The following NALCN variants were observed in gnomAD, a reference collection of about 807,000 sequenced individuals.
NALCN encodes sodium leak channel NALCN.
NALCN carries 111 observed loss-of-function variants against 225.3 expected under a neutral mutation model. The observed-to-expected ratio is 0.49, with a 90% CI of 0.42 to 0.58. The LOEUF is 0.58. NALCN is among the 20% of genes least tolerant of loss of function. NALCN has a pLI of 0.00. For synonymous variants in NALCN, 764 were observed against 769.0 expected, an observed-to-expected ratio of 0.99 and a Z score of 0.11; for missense variants, 1,378 against 2,202.4, an observed-to-expected ratio of 0.63 and a Z score of 7.49.
intron 26 of NALCN, among the ~76,000 whole-genome samples, chr13:101,102,636 C>A (rs1260671862): frequency 1.3e-5 from 2 of 152,204 alleles, no homozygotes; most frequent in Non-Finnish European, 2.9e-5. Context: ...CCCCCTCAAT[C>A]ATCTTTGTAA....
chr13:101,167,281 A>T (rs1350281156), intron 15 of NALCN, among the ~76,000 whole-genome samples: 4 of 152,202 alleles, frequency 2.6e-5, no homozygotes. Context: ...GATTGCATTG[A>T]ATCTGTAGAT....
intron 13 of NALCN, among the ~76,000 whole-genome samples, chr13:101,225,798 C>T (rs1304348286): frequency 6.6e-6 from 1 of 152,152 alleles, no homozygotes; most frequent in African/African-American, 2.4e-5. Flanking sequence ...GGTTTAGAAA[C>T]AAAATCCTAA....
At chr13:101,222,576 T>C (rs1326819326) in intron 13 of NALCN, among the ~76,000 whole-genome samples, 1 of 152,108 alleles carries the variant, frequency 6.6e-6, no homozygotes, top group Non-Finnish European at 1.5e-5. Context: ...TATGCCATCA[T>C]TGAGGGATAG....
At chr13:101,064,580 A>ACACACACG (rs1218569311) in intron 40 of NALCN, among the ~76,000 whole-genome samples, 3 of 151,954 alleles carry the variant, frequency 2.0e-5, no homozygotes, top group Non-Finnish European at 4.4e-5. Context: ...ACACACACAC[A>ACACACACG]CACACAAACA....
chr13:101,124,810 T>C (rs759540581), intron 17 of NALCN, 129 bp from the exon 18 acceptor site: 27 of 831,766 alleles, frequency 3.2e-5, no homozygotes, highest in Non-Finnish European at 4.7e-5. Flanking sequence ...CATCGTACAA[T>C]TGACAATTCT....
intron 26 of NALCN, among the ~76,000 whole-genome samples, chr13:101,102,547 T>G (rs10508052): frequency 0.28 from 42,419 of 152,100 alleles, 7,219 homozygotes; most frequent in South Asian, 0.43. Context: ...ACAATGAGCC[T>G]CTTTCTTGTT....
At position 101,322,212 on chromosome 13, in the gene NALCN, C is replaced by T. The variant is rs374592552; in HGVS notation, c.799+23054G>A. On this transcript the variant is annotated intron_variant, in intron 7 of 43. Coordinates refer to ENST00000251127, the MANE Select transcript of NALCN (RefSeq NM_052867.4). ...GCATGTGGAATATAGGGAATTCACA[C>T]AGATCTATAACTGTGTGACTCTGGT... is the stretch of plus-strand genomic sequence containing the variant. Among the ~76,000 whole-genome samples, 23 of 152,246 alleles carry T rather than the reference C, an allele frequency of 1.5e-4. No individual in the cohort carries two copies. In the East Asian group the frequency reaches 4.3e-3, roughly 28 times the overall value.
chr13:101,070,926 C>T (rs181671994), intron 37 of NALCN, among the ~76,000 whole-genome samples: 143 of 152,204 alleles, frequency 9.4e-4, no homozygotes, highest in Non-Finnish European at 1.5e-3. Flanking sequence ...ACAATCACGG[C>T]GGAAGGGGAA....
chr13:101,088,111 A>T (rs2034022425), intron 30 of NALCN, among the ~76,000 whole-genome samples: 1 of 152,090 alleles, frequency 6.6e-6, no homozygotes, highest in African/African-American at 2.4e-5. Context: ...GGGTGACATG[A>T]TCACTACTGT....
intron 11 of NALCN, among the ~76,000 whole-genome samples, chr13:101,250,429 A>T (rs2042027720): frequency 6.6e-6 from 1 of 152,100 alleles, no homozygotes; most frequent in African/African-American, 2.4e-5. Flanking sequence ...GCTTTGATGT[A>T]TAGACACAGA....
At chr13:101,091,577 T>TA (rs2034238761) in intron 28 of NALCN, among the ~76,000 whole-genome samples, 1 of 150,980 alleles carries the variant, frequency 6.6e-6, no homozygotes, top group East Asian at 2.0e-4. Context: ...TATATTTTTT[T>TA]ATGTATGAAA....
intron 18 of NALCN, among the ~76,000 whole-genome samples, chr13:101,111,577 C>T (rs544777632): frequency 2.0e-4 from 30 of 152,252 alleles, no homozygotes; most frequent in African/African-American, 3.4e-4. Context: ...TTGGCTTTGT[C>T]CCCACCCAAA....
At chr13:101,183,700 T>C (rs1310146401) in intron 14 of NALCN, among the ~76,000 whole-genome samples, 1 of 152,104 alleles carries the variant, frequency 6.6e-6, no homozygotes. Context: ...CCTCAGGTGA[T>C]CCACCCGCCT....
chr13:101,167,878 A>T (rs950380898), intron 15 of NALCN, among the ~76,000 whole-genome samples: 2 of 151,532 alleles, frequency 1.3e-5, no homozygotes, highest in African/African-American at 4.8e-5. Context: ...GAATCATCGT[A>T]AGTCAGAATT....
intron 15 of NALCN, among the ~76,000 whole-genome samples, chr13:101,153,009 CACTT>C (rs575964690): frequency 8.5e-5 from 13 of 152,080 alleles, no homozygotes; most frequent in Admixed American, 1.3e-4. Context: ...CACACACACA[CACTT>C]ACACACACAC....
intron 3 of NALCN, among the ~76,000 whole-genome samples, chr13:101,385,279 C>A (rs2046955818): frequency 6.6e-6 from 1 of 152,100 alleles, no homozygotes; most frequent in South Asian, 2.1e-4. Context: ...ACTTCCATCA[C>A]CCCTGCCACA....
At chr13:101,261,940 CT>C (rs1274127134) in intron 10 of NALCN, among the ~76,000 whole-genome samples, 1 of 152,152 alleles carries the variant, frequency 6.6e-6, no homozygotes, top group Non-Finnish European at 1.5e-5. Context: ...AGAGGAAAGG[CT>C]TTTCAGATTT....
intron 13 of NALCN, among the ~76,000 whole-genome samples, chr13:101,202,317 G>GA (rs1288384885): frequency 6.6e-6 from 1 of 152,124 alleles, no homozygotes; most frequent in Non-Finnish European, 1.5e-5. Context: ...AGGGGTTAAG[G>GA]AAAACCAATG....
chr13:101,091,278 T>A (rs1267991479), intron 28 of NALCN, among the ~76,000 whole-genome samples: 4 of 152,172 alleles, frequency 2.6e-5, no homozygotes. Flanking sequence ...TTTTGATCAT[T>A]TTTTCCCCCT....
Sources: gnomAD v4.1 joint callset for allele counts (sites outside exome capture counted in the v4.1 genomes callset) on GRCh38, gnomAD v4.1.1 for gene constraint, MANE v1.5 for transcripts, NCBI Gene and HGNC (gene_info 2026-07-23, HGNC 2026-07-21) for gene names.